The following OAS2 variants were observed in gnomAD, a reference collection of about 807,000 sequenced individuals.
OAS2 encodes 2'-5'-oligoadenylate synthetase 2.
In OAS2, 67 loss-of-function variants were observed where a neutral mutation model predicts 71.3. The ratio of observed to expected loss-of-function variants is 0.94; its 90% CI spans 0.77 to 1.15. OAS2 has a LOEUF of 1.15. Among genes scored for constraint, OAS2 ranks in the 50% most tolerant of loss-of-function variants. The pLI is 0.00. For missense variants in OAS2, 789 were observed against 822.5 expected, an observed-to-expected ratio of 0.96 and a Z score of 0.50; for synonymous variants, 327 against 321.8, an observed-to-expected ratio of 1.02 and a Z score of -0.17.
chr12:112,998,413 A>C lies in OAS2; in HGVS notation c.1008+3A>C, dbSNP rs1271904659. On this transcript the variant is annotated splice_donor_region_variant and intron_variant, in intron 5 of 9. Coordinates refer to ENST00000392583, the MANE Select transcript of OAS2 (RefSeq NM_002535.3). ...CTGCACCATCTTGGAATGTTCTGGT[A>C]AGAGGGTTTTCCAAATACAGGGTGT... 3.1e-6 allele frequency: 5 copies of C among 1,607,050 alleles called. No individual in the cohort carries two copies. The highest frequency in any genetic ancestry group is 4.2e-6 in the Non-Finnish European group (5 of 1,178,036).
chr12:112,992,728 T>C (rs1348531875), intron 2 of OAS2, among the ~76,000 whole-genome samples: 1 of 152,146 alleles, frequency 6.6e-6, no homozygotes, highest in Non-Finnish European at 1.5e-5. Context: ...GTTCTTATCC[T>C]GGTCCTACTA....
In OAS2 at chr12:113,007,872, C is replaced by T. The variant is rs770514888; in HGVS notation, c.1824C>T (p.Phe608=). The change falls in exon 9 of 10, where the codon TTC becomes TTT. Residue 608 remains phenylalanine (F), a synonymous_variant. Transcript: ENST00000392583. ...CACAATATCAGCAGCTCTGCATCTT[C>T]TGGAAGGTCAATTACAACTTTGAAG... is the stretch of plus-strand genomic sequence containing the variant. ...LVTQYQQLCI[F]WKVNYNFEDE... 8 of 1,614,180 alleles carry T rather than the reference C, an allele frequency of 5.0e-6. No homozygotes were observed. The East Asian group carries it at 1.8e-4, about 36-fold the overall frequency.
chr12:113,010,641 G>C lies in OAS2; in HGVS notation c.*1386G>C, dbSNP rs533099073. ...AAACCCTTTCATAAAGTCTTGCCTTGCTGAACTCCCTCTCTGCAGGCAGCC... is the reference window on the plus strand; with the variant it reads ...AAACCCTTTCATAAAGTCTTGCCTTCCTGAACTCCCTCTCTGCAGGCAGCC... On this transcript the variant is annotated 3_prime_UTR_variant, in exon 10 of 10. Transcript: ENST00000392583. 9.0e-7 allele frequency: 1 copy of C among 1,110,320 alleles called. No individual in the cohort carries two copies. Among genetic ancestry groups the C allele is most frequent in the Admixed American group, 3.6e-5 (1 of 28,034 alleles). The allele number at this position is 1,110,320 out of a possible 1,614,324, so 68.8% of individuals were successfully genotyped here.
chr12:112,988,336 C>T, intron 2 of OAS2: 1 of 532,330 alleles, frequency 1.9e-6, no homozygotes, highest in Non-Finnish European at 2.4e-6. Context: ...GAGTCTTGAA[C>T]ACAGCCACGT....
intron 2 of OAS2, among the ~76,000 whole-genome samples, chr12:112,991,165 C>T (rs2044188467): frequency 6.6e-6 from 1 of 152,222 alleles, no homozygotes; most frequent in Admixed American, 6.5e-5. Context: ...TTGGCCTATA[C>T]TGTTCCTTTG....
In OAS2 at chr12:113,009,335, C is replaced by T. The variant is rs566479969; in HGVS notation, c.*80C>T. The stretch of plus-strand genomic sequence containing the variant: ...CTACTGTAGCAACCTGAAATTAACT[C>T]AGACACAAATAAAGGAAACCCAGCT... On this transcript the variant is annotated 3_prime_UTR_variant, in exon 10 of 10. Transcript: ENST00000392583. 5 of 1,556,698 alleles carry T rather than the reference C, an allele frequency of 3.2e-6. No individual in the cohort carries two copies. In the African/African-American group the frequency reaches 6.9e-5, roughly 21 times the overall value.
At chr12:112,998,494 T>C in intron 5 of OAS2, 84 bp downstream of exon 5, 3 of 1,456,280 alleles carry the variant, frequency 2.1e-6, no homozygotes, top group Non-Finnish European at 2.8e-6. Flanking sequence ...CTGAGAGTAC[T>C]CTATATTCGT....
chr12:112,995,364 A>T lies in OAS2; in HGVS notation c.517A>T (p.Ser173Cys). The change falls in exon 3 of 10, where the codon AGT becomes TGT. Residue 173 changes from serine to cysteine, a missense_variant. Physicochemically the swap from Ser to Cys is moderately radical, Grantham distance 112. Coordinates refer to ENST00000392583, the MANE Select transcript of OAS2 (RefSeq NM_002535.3). ...AAGATCCTTGGATAAGACAAATGCC[A>T]GTCCTGGTGAGTTTGCAGTCTGCTT... ...LKRSLDKTNA[S>C]PGEFAVCFTE... 1 of 1,614,146 alleles carries T rather than the reference A, an allele frequency of 6.2e-7. No individual in the cohort carries two copies.
intron 6 of OAS2, among the ~76,000 whole-genome samples, chr12:113,004,381 G>A (rs908502940): frequency 1.3e-5 from 2 of 152,196 alleles, no homozygotes; most frequent in African/African-American, 2.4e-5. Context: ...AGAAAGAGGA[G>A]GAAGAGGAGG....
chr12:112,987,565 A>C, intron 2 of OAS2: 2 of 1,343,066 alleles, frequency 1.5e-6, no homozygotes, highest in Non-Finnish European at 1.9e-6. Context: ...TTTAAGCCAT[A>C]CTGTACACAT....
chr12:113,007,532 A>G (rs1249683079), intron 8 of OAS2, among the ~76,000 whole-genome samples, 173 bp from the exon 9 acceptor site: 1 of 152,194 alleles, frequency 6.6e-6, no homozygotes, highest in Non-Finnish European at 1.5e-5. Context: ...AAGAAACTCA[A>G]ATGTGCTGCT....
chr12:113,008,976 C>A (rs2044357550), intron 9 of OAS2, 111 bp from the exon 10 acceptor site: 3 of 1,506,458 alleles, frequency 2.0e-6, no homozygotes, highest in African/African-American at 1.4e-5. Flanking sequence ...TTGCTGACAT[C>A]TAAGCTGTAA....
At position 112,997,752 on chromosome 12, in the gene OAS2, C is replaced by A; in HGVS notation, c.860C>A (p.Ala287Glu). 2 of 1,578,432 alleles carry A rather than the reference C, an allele frequency of 1.3e-6. No individual in the cohort carries two copies. Among genetic ancestry groups the A allele is most frequent in the Non-Finnish European group, 1.7e-6 (2 of 1,160,450 alleles). ...ATCCTGCTGCACCAGCTCCAATCAG[C>A]GAGGTGCCAAGCTTCTCACACCCTA... The part of the protein sequence containing the change: ...RNILLHQLQS[A>E]RPVILDPVDP... Residue 287 changes from alanine to glutamate, a missense_variant, in exon 4 of 10, where the codon GCG (alanine) becomes GAG (glutamate). Coordinates refer to ENST00000392583, the MANE Select transcript of OAS2 (RefSeq NM_002535.3).
At position 112,996,992 on chromosome 12, in the gene OAS2, T is replaced by C. The variant is rs555425339; in HGVS notation, c.628-528T>C. Among the ~76,000 whole-genome samples the C allele has an allele frequency of 2.6e-4, 39 of 152,208 alleles. No individual in the cohort carries two copies. The Middle Eastern group carries it at 0.01, about 40-fold the overall frequency. On this transcript the variant is annotated intron_variant, in intron 3 of 9. Transcript: ENST00000392583. ...CCCTCATCTGAGGTCTACCTGCCAG[T>C]GGATTTGCTTGGTGGGGGCCTGAGT...
chr12:112,983,471 C>T (rs751759825), intron 1 of OAS2, among the ~76,000 whole-genome samples: 4 of 152,104 alleles, frequency 2.6e-5, no homozygotes, highest in East Asian at 1.9e-4. Flanking sequence ...GTGATCCACC[C>T]GCCTCAGCCT....
intron 6 of OAS2, 84 bp downstream of exon 6, chr12:113,003,186 C>T: frequency 7.2e-7 from 1 of 1,393,544 alleles, no homozygotes; most frequent in Non-Finnish European, 1.0e-6. Flanking sequence ...CATTGTAGCT[C>T]TCCAGGATCC....
At position 112,978,841 on chromosome 12, in the gene OAS2, C is replaced by T. The variant is rs1200293548; in HGVS notation, c.177+56C>T. The T allele has an allele frequency of 3.2e-6, 5 of 1,544,234 alleles. No homozygotes were observed. Among genetic ancestry groups the T allele is most frequent in the South Asian group, 1.2e-5 (1 of 83,804 alleles). ...GAGGCAGGAGATTCCACGGCGGCAGCAAGGCCGAGCTACTGGGTGCTGGGT... is the reference window on the plus strand; with the variant it reads ...GAGGCAGGAGATTCCACGGCGGCAGTAAGGCCGAGCTACTGGGTGCTGGGT... On this transcript the variant is annotated intron_variant, in intron 1 of 9. Coordinates refer to ENST00000392583, the MANE Select transcript of OAS2 (RefSeq NM_002535.3). This position sits in a 1 kb window ranked among gnomAD's most constrained non-coding sequence, Gnocchi z 4.2.
chr12:112,983,626 A>G (rs1482260419), intron 1 of OAS2, among the ~76,000 whole-genome samples: 1 of 152,150 alleles, frequency 6.6e-6, no homozygotes, highest in Non-Finnish European at 1.5e-5. Context: ...ACTTTGCTGT[A>G]TCCCTTAGGT....
At chr12:112,998,812 C>G (rs2044258794) in intron 5 of OAS2, among the ~76,000 whole-genome samples, 1 of 152,214 alleles carries the variant, frequency 6.6e-6, no homozygotes. Flanking sequence ...CTAAGAACAA[C>G]AGTCATACTG....
Sources: gnomAD v4.1 joint callset for allele counts (sites outside exome capture counted in the v4.1 genomes callset) on GRCh38, gnomAD v4.1.1 for gene constraint, Gnocchi (gnomAD v3.1) non-coding constraint, MANE v1.5 for transcripts, NCBI Gene and HGNC (gene_info 2026-07-23, HGNC 2026-07-21) for gene names.